Variants in RPA1 observed in about 807,000 individuals in gnomAD.
The protein encoded by RPA1 is replication protein A1.
Under a neutral mutation model 83.0 loss-of-function variants are expected in RPA1, and 49 were observed. The ratio of observed to expected loss-of-function variants is 0.59; its 90% CI spans 0.47 to 0.75. RPA1 has a LOEUF of 0.75. RPA1 is among the 30% of genes least tolerant of loss of function. The pLI is 0.00. For synonymous variants in RPA1, 279 were observed against 281.8 expected (o/e 0.99, Z 0.10); for missense variants, 693 against 776.1 (o/e 0.89, Z 1.27).
At chr17:1,853,795 A>G (rs1020565454) in intron 5 of RPA1, among the ~76,000 whole-genome samples, 1 of 152,376 alleles carries the variant, frequency 6.6e-6, no homozygotes, top group South Asian at 2.1e-4. Context: ...TTAATGAGAA[A>G]CGTGTTTTCC....
intron 13 of RPA1, among the ~76,000 whole-genome samples, chr17:1,885,761 G>A (rs1913965503): frequency 6.6e-6 from 1 of 152,140 alleles, no homozygotes; most frequent in South Asian, 2.1e-4. Context: ...ATAGCATCTA[G>A]AATGGTGAAT....
chr17:1,892,697 A>G (rs1193641696), intron 15 of RPA1, among the ~76,000 whole-genome samples: 1 of 152,238 alleles, frequency 6.6e-6, no homozygotes, highest in Non-Finnish European at 1.5e-5. Flanking sequence ...CTATAAAACA[A>G]TAATAATAAA....
At chr17:1,837,445 C>T (rs34772498) in intron 1 of RPA1, among the ~76,000 whole-genome samples, 51,243 of 152,020 alleles carry the variant, frequency 0.34, 10,603 homozygotes, top group Non-Finnish European at 0.48. Context: ...TTAAGTACAA[C>T]TCTTTTTGTG....
At chr17:1,833,752 G>A (rs2151265136) in intron 1 of RPA1, among the ~76,000 whole-genome samples, 1 of 152,314 alleles carries the variant, frequency 6.6e-6, no homozygotes, top group African/African-American at 2.4e-5. Flanking sequence ...TACTTGGGAG[G>A]CTGAGGCAGG....
chr17:1,867,722 TAAAAA>T (rs1913232743), intron 5 of RPA1, among the ~76,000 whole-genome samples: 3 of 149,680 alleles, frequency 2.0e-5, no homozygotes, highest in Non-Finnish European at 3.0e-5. Flanking sequence ...AAAAAAAAAT[TAAAAA>T]GAAAAAGAAG....
At chr17:1,858,476 T>C in intron 5 of RPA1, 1 of 1,165,684 alleles carries the variant, frequency 8.6e-7, no homozygotes. Context: ...TTTTCTTTTT[T>C]TTTTTGAGAC....
chr17:1,856,089 C>T (rs961052671), intron 5 of RPA1, among the ~76,000 whole-genome samples: 5 of 151,972 alleles, frequency 3.3e-5, no homozygotes, highest in African/African-American at 9.7e-5. Flanking sequence ...CTTGGGAGAA[C>T]GAGGCAAGCC....
intron 8 of RPA1, among the ~76,000 whole-genome samples, chr17:1,878,730 T>G (rs571940271): frequency 6.6e-6 from 1 of 152,326 alleles, no homozygotes; most frequent in Non-Finnish European, 1.5e-5. Context: ...TGTTTCTCAG[T>G]TGAGGCTAAT....
intron 5 of RPA1, among the ~76,000 whole-genome samples, chr17:1,861,130 C>A (rs558377398): frequency 3.3e-4 from 51 of 152,320 alleles, no homozygotes; most frequent in African/African-American, 1.2e-3. Context: ...TGTCCACACA[C>A]ACACACGGGC....
At chr17:1,892,586 G>C (rs1263669957) in intron 15 of RPA1, among the ~76,000 whole-genome samples, 2 of 152,214 alleles carry the variant, frequency 1.3e-5, no homozygotes, top group African/African-American at 4.8e-5. Context: ...GAAACAACCT[G>C]AATTATTACA....
intron 4 of RPA1, among the ~76,000 whole-genome samples, chr17:1,846,334 T>TTC (rs1269773526): frequency 7.3e-6 from 1 of 137,412 alleles, no homozygotes; most frequent in Admixed American, 7.5e-5. Context: ...TTTTTTTTTT[T>TTC]CTCCTGAGGC....
chr17:1,887,794 C>T (rs553780244), intron 13 of RPA1, among the ~76,000 whole-genome samples: 1 of 152,106 alleles, frequency 6.6e-6, no homozygotes, highest in East Asian at 1.9e-4. Context: ...GTGGCTGAGG[C>T]AGGAGAATCA....
At chr17:1,882,773 C>T (rs150499064) in intron 12 of RPA1, among the ~76,000 whole-genome samples, 1 of 152,258 alleles carries the variant, frequency 6.6e-6, no homozygotes, top group African/African-American at 2.4e-5. Context: ...TGGTACATTT[C>T]GGTGATGATC....
At chr17:1,862,359 T>A (rs1311093084) in intron 5 of RPA1, among the ~76,000 whole-genome samples, 1 of 151,862 alleles carries the variant, frequency 6.6e-6, no homozygotes, top group Non-Finnish European at 1.5e-5. Context: ...CTTATACCTC[T>A]CTTGTCCCTG....
At chr17:1,855,533 G>C (rs540079291) in intron 5 of RPA1, among the ~76,000 whole-genome samples, 3 of 152,260 alleles carry the variant, frequency 2.0e-5, no homozygotes, top group South Asian at 2.1e-4. Context: ...ATAAGTCTAT[G>C]TCATGATGTA....
At chr17:1,849,757 C>T (rs540074043) in intron 4 of RPA1, among the ~76,000 whole-genome samples, 4 of 152,040 alleles carry the variant, frequency 2.6e-5, no homozygotes, top group South Asian at 2.1e-4. Context: ...TGGAAAAACG[C>T]GCAGTTTACC....
intron 12 of RPA1, among the ~76,000 whole-genome samples, chr17:1,881,836 T>C (rs1284108381): frequency 6.6e-6 from 1 of 152,196 alleles, no homozygotes; most frequent in Admixed American, 6.5e-5. Context: ...GGATTAGAGA[T>C]GTTTAGATCT....
At chr17:1,877,138 G>A (rs1374509649) in intron 7 of RPA1, 74 bp from the exon 8 acceptor site, 2 of 1,378,346 alleles carry the variant, frequency 1.5e-6, no homozygotes, top group Non-Finnish European at 2.1e-6. Flanking sequence ...GAGAAAGGCT[G>A]TAGGAAGATG....
In RPA1 at chr17:1,890,428, T is replaced by G. The variant is rs550479307; in HGVS notation, c.1552-1405T>G. ...CTGTAATCCCAGCACTTTGGGAGGC[T>G]GAGGCAGGCGGATCACGAGGTCAGG... On this transcript the variant is annotated intron_variant, in intron 14 of 16. Transcript: ENST00000254719. Among the ~76,000 whole-genome samples the G allele has an allele frequency of 2.6e-5, 4 of 152,184 alleles. No individual in the cohort carries two copies. The South Asian group carries it at 8.3e-4, about 32-fold the overall frequency.
Sources: gnomAD v4.1 joint callset for allele counts (sites outside exome capture counted in the v4.1 genomes callset) on GRCh38, gnomAD v4.1.1 for gene constraint, MANE v1.5 for transcripts, NCBI Gene and HGNC (gene_info 2026-07-23, HGNC 2026-07-21) for gene names.